The following ALK variants were observed in gnomAD, a reference collection of about 807,000 sequenced individuals.
The protein encoded by ALK is ALK receptor tyrosine kinase, also known as ALK tyrosine kinase receptor.
Under a neutral mutation model 163.1 loss-of-function variants are expected in ALK, and 74 were observed. That is an observed-to-expected ratio of 0.45 (90% confidence interval 0.38 to 0.55). ALK has a LOEUF of 0.55. ALK is among the 20% of genes least tolerant of loss of function. The probability of loss-of-function intolerance (pLI) is 0.00; values close to 1 mark genes in which losing one functional copy is unlikely to be tolerated. For synonymous variants in ALK, 960 were observed against 843.2 expected (o/e 1.14, Z -2.40); for missense variants, 2,063 against 2,105.3 (o/e 0.98, Z 0.39).
intron 1 of ALK, among the ~76,000 whole-genome samples, chr2:29,737,213 T>C (rs1488441401): frequency 1.3e-5 from 2 of 152,114 alleles, no homozygotes; most frequent in African/African-American, 4.8e-5. Flanking sequence ...TAGAGATAAA[T>C]GCATGAAACA....
chr2:29,443,283 CAG>C (rs766259608), intron 4 of ALK, among the ~76,000 whole-genome samples: 22 of 152,208 alleles, frequency 1.4e-4, no homozygotes, highest in Non-Finnish European at 2.5e-4. Flanking sequence ...GCAAACCTCC[CAG>C]AGAGTATCTG....
At chr2:29,730,876 C>A (rs1679723966) in intron 1 of ALK, among the ~76,000 whole-genome samples, 1 of 152,144 alleles carries the variant, frequency 6.6e-6, no homozygotes, top group South Asian at 2.1e-4. Flanking sequence ...GAGAAGGAAG[C>A]TCTGGGTCAG....
intron 10 of ALK, 28 bp from the exon 11 acceptor site, chr2:29,275,255 A>G: frequency 6.2e-7 from 1 of 1,613,820 alleles, no homozygotes; most frequent in Non-Finnish European, 8.5e-7. Context: ...CCACGGGCTG[A>G]GTTAGGTGAG....
chr2:29,473,816 A>G (rs1671430717), intron 4 of ALK, among the ~76,000 whole-genome samples: 1 of 152,188 alleles, frequency 6.6e-6, no homozygotes, highest in African/African-American at 2.4e-5. Context: ...AAATTGCACC[A>G]TTGCACTCCA....
At chr2:29,488,489 G>T in intron 4 of ALK, among the ~76,000 whole-genome samples, 1 of 152,168 alleles carries the variant, frequency 6.6e-6, no homozygotes, top group East Asian at 1.9e-4. Flanking sequence ...TGGCATGACT[G>T]ATGGCATTGG....
At chr2:29,438,501 A>G (rs970207389) in intron 4 of ALK, among the ~76,000 whole-genome samples, 6 of 152,240 alleles carry the variant, frequency 3.9e-5, no homozygotes, top group African/African-American at 1.4e-4. Context: ...AATTTTAATC[A>G]AATTATTTTG....
At chr2:29,386,097 C>T (rs940732982) in intron 4 of ALK, among the ~76,000 whole-genome samples, 3 of 152,234 alleles carry the variant, frequency 2.0e-5, no homozygotes, top group African/African-American at 4.8e-5. Context: ...TCTCTTTCAG[C>T]GCGGTGCTCC....
At chr2:29,343,027 C>A (rs1291488180) in intron 5 of ALK, among the ~76,000 whole-genome samples, 2 of 150,766 alleles carry the variant, frequency 1.3e-5, no homozygotes, top group African/African-American at 4.9e-5. Context: ...GAACTACAGG[C>A]TCCTGCCACC....
chr2:29,383,995 G>A (rs920802184), intron 4 of ALK, 136 bp from the exon 5 acceptor site: 38 of 1,057,836 alleles, frequency 3.6e-5, no homozygotes, highest in Admixed American at 7.2e-5. Flanking sequence ...GATGGGACTC[G>A]AAGTGGCACT....
chr2:29,879,979 A>T (rs1384569193), intron 1 of ALK, among the ~76,000 whole-genome samples: 1 of 152,182 alleles, frequency 6.6e-6, no homozygotes, highest in Non-Finnish European at 1.5e-5. Context: ...ACCTGAGATG[A>T]TTTTCTCCAA....
intron 3 of ALK, among the ~76,000 whole-genome samples, chr2:29,664,620 T>C (rs1216288454): frequency 6.6e-6 from 1 of 152,174 alleles, no homozygotes; most frequent in African/African-American, 2.4e-5. Context: ...TCTGGGTTTC[T>C]TAATATGACT....
intron 1 of ALK, among the ~76,000 whole-genome samples, chr2:29,722,850 T>A (rs1679459865): frequency 6.6e-6 from 1 of 152,172 alleles, no homozygotes; most frequent in Non-Finnish European, 1.5e-5. Context: ...ACCCCAGGTA[T>A]TCCCCATTTC....
In ALK at chr2:29,295,822, CTGCTGTGGGTTGTA is replaced by C. The variant is rs1282800395; in HGVS notation, c.1817+1052_1817+1065del. Among the ~76,000 whole-genome samples, 39 of 152,326 alleles carry C rather than the reference CTGCTGTGGGTTGTA, an allele frequency of 2.6e-4. 1 individual carries two copies. The highest frequency in any genetic ancestry group is 6.5e-4 in the Admixed American group (10 of 15,312). On this transcript the variant is annotated intron_variant, in intron 9 of 28. Transcript: ENST00000389048. ...GTGTTTTAGGAGTCTCAGGCAGAGGCTGCTGTGGGTTGTAAGGGTTGACTTTTAGCCCATAAAAG... is the reference window on the plus strand; with the variant it reads ...GTGTTTTAGGAGTCTCAGGCAGAGGCAGGGTTGACTTTTAGCCCATAAAAG...
chr2:29,201,114 G>C (rs1023715731), intron 26 of ALK, among the ~76,000 whole-genome samples: 2 of 151,482 alleles, frequency 1.3e-5, no homozygotes, highest in African/African-American at 4.9e-5. Context: ...CATTGTGGAA[G>C]ATGGTCTCCA....
chr2:29,505,370 A>G (rs1424188613), intron 4 of ALK, among the ~76,000 whole-genome samples: 1 of 152,174 alleles, frequency 6.6e-6, no homozygotes, highest in African/African-American at 2.4e-5. Context: ...TGATTGAACT[A>G]TCTTTGGGGG....
intron 5 of ALK, among the ~76,000 whole-genome samples, chr2:29,372,032 C>T (rs1244778943): frequency 6.6e-6 from 1 of 152,172 alleles, no homozygotes; most frequent in Non-Finnish European, 1.5e-5. Flanking sequence ...AATACATAGC[C>T]ATGCTAGTTT....
chr2:29,714,189 G>A (rs754638425), intron 2 of ALK, among the ~76,000 whole-genome samples: 29 of 152,078 alleles, frequency 1.9e-4, no homozygotes, highest in Admixed American at 7.2e-4. Context: ...TTCTTTAGAC[G>A]TCCTCCCTCT....
chr2:29,319,471 A>C (rs1025822310), intron 7 of ALK, among the ~76,000 whole-genome samples: 2 of 152,218 alleles, frequency 1.3e-5, no homozygotes, highest in African/African-American at 4.8e-5. Context: ...TCATGCAGGC[A>C]GGCGGGTCAC....
intron 4 of ALK, among the ~76,000 whole-genome samples, chr2:29,397,738 C>G (rs1239344189): frequency 6.6e-6 from 1 of 152,160 alleles, no homozygotes; most frequent in Non-Finnish European, 1.5e-5. Context: ...ACCTCTGCCT[C>G]CCAGATGAAT....
Sources: allele counts gnomAD v4.1 joint callset (sites outside exome capture counted in the v4.1 genomes callset), GRCh38; gene constraint gnomAD v4.1.1; transcripts MANE v1.5; gene names NCBI Gene and HGNC (gene_info 2026-07-23, HGNC 2026-07-21).